Variants in PTPDC1 observed in about 807,000 individuals in gnomAD.
PTPDC1 encodes the protein protein tyrosine phosphatase domain containing 1, also known as protein tyrosine phosphatase domain-containing protein 1.
Under a neutral mutation model 75.3 loss-of-function variants are expected in PTPDC1, and 53 were observed. The observed-to-expected ratio is 0.70, with a 90% CI of 0.56 to 0.88. PTPDC1 has a LOEUF of 0.88. PTPDC1 is among the 40% of genes least tolerant of loss of function. The pLI, the probability that PTPDC1 is intolerant of heterozygous loss-of-function variation, is 0.00. For synonymous variants in PTPDC1, 349 were observed against 366.2 expected, an observed-to-expected ratio of 0.95 and a Z score of 0.54; for missense variants, 925 against 998.6, an observed-to-expected ratio of 0.93 and a Z score of 0.99.
intron 4 of PTPDC1, among the ~76,000 whole-genome samples, chr9:94,090,959 G>A (rs1349410487): frequency 3.3e-5 from 5 of 152,134 alleles, no homozygotes; most frequent in South Asian, 2.1e-4. Context: ...GAAGTTGCCT[G>A]TCAGCTTAAG....
At chr9:94,099,854 C>T (rs950287257) in intron 6 of PTPDC1, among the ~76,000 whole-genome samples, 8 of 152,180 alleles carry the variant, frequency 5.3e-5, no homozygotes, top group South Asian at 2.1e-4. Flanking sequence ...TGGGCCAGAC[C>T]GTATGTAGTG....
chr9:94,039,701 G>A (rs1269728115), intron 1 of PTPDC1, among the ~76,000 whole-genome samples: 1 of 152,076 alleles, frequency 6.6e-6, no homozygotes, highest in African/African-American at 2.4e-5. Flanking sequence ...ATGCCAGTAT[G>A]TTCCTGCCTG....
chr9:94,070,199 C>A (rs1826464562), intron 2 of PTPDC1, among the ~76,000 whole-genome samples: 1 of 152,156 alleles, frequency 6.6e-6, no homozygotes, highest in Admixed American at 6.5e-5. Flanking sequence ...AATGAGAAAC[C>A]TGGCTCTTAT....
intron 2 of PTPDC1, among the ~76,000 whole-genome samples, chr9:94,065,164 C>T (rs2117871582): frequency 6.6e-6 from 1 of 152,348 alleles, no homozygotes; most frequent in Admixed American, 6.5e-5. Context: ...CTTAGCACAT[C>T]CAGAAGCACT....
upstream of PTPDC1, among the ~76,000 whole-genome samples, chr9:94,080,301 G>C (rs1041677309): frequency 1.3e-5 from 2 of 152,156 alleles, no homozygotes; most frequent in Non-Finnish European, 2.9e-5. Flanking sequence ...TTCTCACAGA[G>C]TTATAATTAT....
chr9:94,105,750 C>T (rs140309067), intron 8 of PTPDC1, among the ~76,000 whole-genome samples: 8 of 148,132 alleles, frequency 5.4e-5, no homozygotes, highest in East Asian at 2.0e-4. Context: ...GGGCAGATCA[C>T]GAGGTCAGGA....
In PTPDC1 at chr9:94,109,088, T is replaced by C. The variant is rs978485796; in HGVS notation, c.*1144T>C. 2.0e-5 allele frequency: 3 copies of C among 152,232 alleles called. No individual in the cohort carries two copies. Among genetic ancestry groups the C allele is most frequent in the African/African-American group, 7.2e-5 (3 of 41,462 alleles). The allele number at this position is 152,232 out of a possible 1,614,324, so 9.4% of individuals were successfully genotyped here. ...CTGAAGTTGACCATACAGGTTGCAT[T>C]AGCCCTAACTGGCTTCATGTAAGAA... On this transcript the variant is annotated 3_prime_UTR_variant, in exon 9 of 9. Coordinates refer to ENST00000620992, the MANE Select transcript of PTPDC1 (RefSeq NM_001253829.2).
At position 94,073,041 on chromosome 9, in the gene PTPDC1, G is replaced by A. The variant is rs139818491; in HGVS notation, c.82+8220G>A. Among the ~76,000 whole-genome samples the A allele has an allele frequency of 3.3e-5, 5 of 152,214 alleles. No homozygotes were observed. In the East Asian group the frequency reaches 5.8e-4, roughly 18 times the overall value. ...GGGTAATGTTAGCCCCATAAAAGGA[G>A]GTGGGAAATGTTCCTTCTTCTATTT... On this transcript the variant is annotated intron_variant, in intron 2 of 9. Coordinates refer to the PTPDC1 transcript ENST00000375360.
chr9:94,068,566 A>C (rs1431527206), intron 2 of PTPDC1, among the ~76,000 whole-genome samples: 2 of 152,152 alleles, frequency 1.3e-5, no homozygotes, highest in Non-Finnish European at 2.9e-5. Context: ...GTGTCTGCCA[A>C]AGTTTATCCA....
rs765537057 is a variant in PTPDC1 at position 94,098,064 on chromosome 9, G to A, written c.1498G>A (p.Glu500Lys). The A allele has an allele frequency of 1.2e-6, 2 of 1,614,076 alleles. No homozygotes were observed. The highest frequency in any genetic ancestry group is 2.7e-5 in the African/African-American group (2 of 74,924). The change falls in exon 6 of 9, where the codon GAA (glutamate) becomes AAA (lysine). Residue 500 changes from glutamate to lysine, a missense_variant. Transcript: ENST00000620992. ...GTCTCCAGAACCAGACTTACACAAG[G>A]AAGCCTTGGTTCGCAGCACACTTTC... ...PQSPEPDLHK[E>K]ALVRSTLSFW...
intron 2 of PTPDC1, chr9:94,064,945 T>C (rs950030886): frequency 1.5e-6 from 1 of 685,046 alleles, no homozygotes; most frequent in Admixed American, 2.8e-5. Context: ...GTTGCAAGTA[T>C]TACTTACTGC....
intron 1 of PTPDC1, among the ~76,000 whole-genome samples, chr9:94,063,737 T>G (rs1278107235): frequency 6.6e-6 from 1 of 152,210 alleles, no homozygotes; most frequent in Non-Finnish European, 1.5e-5. Flanking sequence ...AGAGGAATGA[T>G]CCAGTGCACC....
chr9:94,082,002 C>T (rs369195324), upstream of PTPDC1, among the ~76,000 whole-genome samples: 4 of 152,188 alleles, frequency 2.6e-5, no homozygotes, highest in African/African-American at 4.8e-5. Context: ...TGAAGCCCAG[C>T]GTGTTGGCAG....
At chr9:94,078,698 C>T (rs935712348) in intron 2 of PTPDC1, among the ~76,000 whole-genome samples, 2 of 152,150 alleles carry the variant, frequency 1.3e-5, no homozygotes, top group Non-Finnish European at 2.9e-5. Context: ...AGTGCATAAT[C>T]TCTATCAGTC....
At chr9:94,068,661 A>G (rs1442585241) in intron 2 of PTPDC1, among the ~76,000 whole-genome samples, 1 of 152,074 alleles carries the variant, frequency 6.6e-6, no homozygotes, top group East Asian at 1.9e-4. Context: ...TCCACATCCA[A>G]CTTTTACCTA....
chr9:94,064,728 C>T, intron 1 of PTPDC1: 1 of 1,605,812 alleles, frequency 6.2e-7, no homozygotes, highest in Non-Finnish European at 8.5e-7. Flanking sequence ...ATTTTTTTTC[C>T]AACAGACTAC....
At chr9:94,080,663 T>A (rs750917251), upstream of PTPDC1, among the ~76,000 whole-genome samples, 2 of 152,200 alleles carry the variant, frequency 1.3e-5, no homozygotes, top group African/African-American at 4.8e-5. Context: ...ATAACTGGCC[T>A]ATACTCTTCA....
In PTPDC1 at chr9:94,097,908, A is replaced by C; in HGVS notation, c.1342A>C (p.Ser448Arg). Residue 448 changes from serine to arginine, a missense_variant, in exon 6 of 9, where the codon AGT becomes CGT. Physicochemically the swap from Ser to Arg is moderately radical, Grantham distance 110. Coordinates refer to ENST00000620992, the MANE Select transcript of PTPDC1 (RefSeq NM_001253829.2). ...LTHLKRRLSYSDSDLKRAENL... is the reference protein window; with the variant it reads ...LTHLKRRLSYRDSDLKRAENL... The stretch of plus-strand genomic sequence containing the variant: ...TCATCTGAAAAGGCGGCTCAGCTAC[A>C]GTGACTCAGATTTAAAGAGGGCCGA... 2 of 1,614,224 alleles carry C rather than the reference A, an allele frequency of 1.2e-6. No individual in the cohort carries two copies. The highest frequency in any genetic ancestry group is 2.2e-5 in the South Asian group (2 of 91,088).
intron 1 of PTPDC1, among the ~76,000 whole-genome samples, chr9:94,044,050 G>A (rs896362774): frequency 2.0e-5 from 3 of 151,956 alleles, no homozygotes; most frequent in Non-Finnish European, 4.4e-5. Context: ...TATATTTATT[G>A]TTGTAGCTTT....
Sources: allele counts gnomAD v4.1 joint callset (sites outside exome capture counted in the v4.1 genomes callset), GRCh38; gene constraint gnomAD v4.1.1; transcripts MANE v1.5; gene names NCBI Gene and HGNC (gene_info 2026-07-23, HGNC 2026-07-21).